The following GOLGA6L25 variants were observed in gnomAD, a reference collection of about 807,000 sequenced individuals.
GOLGA6L25 encodes the protein golgin subfamily A member 6-like protein 25.
the GOLGA6L25 span, among the ~76,000 whole-genome samples, chr15:28,559,347 C>T: frequency 2.6e-5 from 2 of 76,844 alleles, no homozygotes; most frequent in African/African-American, 1.2e-4. Context: ...GGCTTCACGC[C>T]ATTCTCCTGC....
the GOLGA6L25 span, among the ~76,000 whole-genome samples, chr15:28,554,377 TTAGGACCCAGTCCCC>T: frequency 2.4e-5 from 1 of 41,852 alleles, no homozygotes; most frequent in Non-Finnish European, 3.9e-5. Flanking sequence ...GCCTTTGGTC[TTAGGACCCAGTCCCC>T]TAAGTGTTCT....
At chr15:28,556,657 G>GC in the GOLGA6L25 span, 1 of 366,912 alleles carries the variant, frequency 2.7e-6, no homozygotes, top group Admixed American at 4.7e-5. Flanking sequence ...ACATCAGGAA[G>GC]CCCTAAGGAG....
the GOLGA6L25 span, among the ~76,000 whole-genome samples, chr15:28,558,242 C>CA: frequency 4.2e-4 from 27 of 64,076 alleles, no homozygotes; most frequent in Non-Finnish European, 5.0e-4. Context: ...GAAACTCTGC[C>CA]AAAAAAAAAA....
At chr15:28,556,384 G>A in the GOLGA6L25 span, among the ~76,000 whole-genome samples, 1 of 144,232 alleles carries the variant, frequency 6.9e-6, no homozygotes, top group South Asian at 2.2e-4. Flanking sequence ...TGATTTCTTT[G>A]CTCACGACAT....
At chr15:28,554,185 T>TC in the GOLGA6L25 span, among the ~76,000 whole-genome samples, 3 of 93,926 alleles carry the variant, frequency 3.2e-5, no homozygotes, top group African/African-American at 2.4e-4. Flanking sequence ...AAGCCTGACC[T>TC]CCCGGGGCTC....
the GOLGA6L25 span, chr15:28,558,569 G>A: frequency 5.0e-6 from 2 of 398,708 alleles, 1 homozygote; most frequent in South Asian, 5.0e-5. Context: ...GGGTCCAGGT[G>A]AGTGTGGGGA....
At chr15:28,558,252 AAAAG>A in the GOLGA6L25 span, among the ~76,000 whole-genome samples, 6 of 64,154 alleles carry the variant, frequency 9.4e-5, no homozygotes, top group South Asian at 9.6e-4. Context: ...CAAAAAAAAA[AAAAG>A]AAAGAAAGAA....
At chr15:28,558,342 A>G in the GOLGA6L25 span, 1 of 263,174 alleles carries the variant, frequency 3.8e-6, no homozygotes, top group South Asian at 2.9e-5. Context: ...AGGAAGTGTT[A>G]CTGTGGAGTA....
the GOLGA6L25 span, among the ~76,000 whole-genome samples, chr15:28,558,221 G>T: frequency 1.0e-4 from 7 of 69,338 alleles, no homozygotes; most frequent in African/African-American, 4.6e-4. Context: ...TCCAGTGAGG[G>T]CAACAAGAAT....
At chr15:28,553,584 A>G in the GOLGA6L25 span, 1 of 509,768 alleles carries the variant, frequency 2.0e-6, no homozygotes, top group Non-Finnish European at 3.3e-6. Flanking sequence ...ACAGCGACGT[A>G]GAGGTGACTG....
chr15:28,558,242 CAAA>C, the GOLGA6L25 span, among the ~76,000 whole-genome samples: 2 of 64,086 alleles, frequency 3.1e-5, no homozygotes, highest in African/African-American at 1.3e-4. Flanking sequence ...GAAACTCTGC[CAAA>C]AAAAAAAAAA....
the GOLGA6L25 span, among the ~76,000 whole-genome samples, chr15:28,558,256 G>A: frequency 9.4e-5 from 7 of 74,638 alleles, no homozygotes; most frequent in East Asian, 1.1e-3. Flanking sequence ...AAAAAAAAAA[G>A]AAAGAAAGAA....
chr15:28,559,310 C>A, the GOLGA6L25 span, among the ~76,000 whole-genome samples: 1 of 110,862 alleles, frequency 9.0e-6, no homozygotes, highest in Non-Finnish European at 1.8e-5. Context: ...GTGGCGCAAT[C>A]TCGGCTCACT....
the GOLGA6L25 span, chr15:28,553,692 C>A: frequency 1.7e-6 from 1 of 591,218 alleles, no homozygotes; most frequent in Non-Finnish European, 3.0e-6. Context: ...CCTCCCTACC[C>A]ATCCCCACCT....
At chr15:28,553,741 G>T in the GOLGA6L25 span, 3 of 565,538 alleles carry the variant, frequency 5.3e-6, no homozygotes, top group Admixed American at 3.2e-5. Context: ...ACCAGACAGA[G>T]CAAATTGGCC....
chr15:28,557,041 CAGA>C, the GOLGA6L25 span: 4 of 110,534 alleles, frequency 3.6e-5, no homozygotes, highest in Non-Finnish European at 4.6e-5. Context: ...TGTCGCTACA[CAGA>C]AGAAGAAGGC....
the GOLGA6L25 span, among the ~76,000 whole-genome samples, chr15:28,559,334 C>A: frequency 1.3e-4 from 12 of 90,068 alleles, no homozygotes; most frequent in South Asian, 4.8e-3. Flanking sequence ...AGCTCCACCC[C>A]CCGGCTTCAC....
At chr15:28,558,252 A>AG in the GOLGA6L25 span, among the ~76,000 whole-genome samples, 14 of 64,124 alleles carry the variant, frequency 2.2e-4, no homozygotes, top group Non-Finnish European at 2.5e-4. Flanking sequence ...CAAAAAAAAA[A>AG]AAAGAAAGAA....
the GOLGA6L25 span, among the ~76,000 whole-genome samples, chr15:28,554,285 TC>T: frequency 2.5e-5 from 2 of 78,788 alleles, no homozygotes; most frequent in Non-Finnish European, 4.2e-5. Context: ...CACTCATGTG[TC>T]CCCCCCAACC....
Sources: gnomAD v4.1 joint callset for allele counts (sites outside exome capture counted in the v4.1 genomes callset) on GRCh38, gnomAD v4.1.1 for gene constraint, MANE v1.5 for transcripts, NCBI Gene and HGNC (gene_info 2026-07-23, HGNC 2026-07-21) for gene names.